The following KIAA1217 variants were observed in gnomAD, a reference collection of about 807,000 sequenced individuals.
KIAA1217 encodes sickle tail protein homolog.
Under a neutral mutation model 163.9 loss-of-function variants are expected in KIAA1217, and 88 were observed. That is an observed-to-expected ratio of 0.54 (90% CI 0.45 to 0.64). KIAA1217 has a LOEUF of 0.64. Among genes scored for constraint, KIAA1217 ranks in the 30% least tolerant of loss-of-function variants. KIAA1217 has a pLI of 0.00. For synonymous variants in KIAA1217, 903 were observed against 923.1 expected (o/e 0.98, Z 0.39); for missense variants, 2,372 against 2,475.0 (o/e 0.96, Z 0.88).
At position 24,473,856 on chromosome 10, in the gene KIAA1217, C is replaced by T. The variant is rs1254823154; in HGVS notation, c.1475C>T (p.Ala492Val). 3.1e-6 allele frequency: 5 copies of T among 1,613,992 alleles called. No homozygotes were observed. In the Admixed American group the frequency reaches 8.3e-5, roughly 27 times the overall value. The change falls in exon 6 of 21, where the codon GCC (alanine) becomes GTC (valine). Residue 492 changes from alanine (A) to valine (V), a missense_variant. Physicochemically the swap from Ala to Val is moderately conservative, Grantham distance 64 (BLOSUM62 0). This residue lies in a region of KIAA1217 where 1,431 missense variants were observed against 1,470.3 expected (regional missense o/e 0.97). Coordinates refer to ENST00000376454, the MANE Select transcript of KIAA1217 (RefSeq NM_019590.5). ...RMIDMHAHYN[A>V]HGPPHTMQPD... ...ATAGACATGCACGCTCACTATAATG[C>T]CCACGGCCCCCCTCACACCATGCAG...
Position 23,790,571 on chromosome 10 carries a change from A to G in KIAA1217, c.-321+95337A>G, listed in dbSNP as rs1013654958. 6.5e-4 allele frequency among the ~76,000 whole-genome samples: 76 copies of G among 116,428 alleles called. 6 individuals carry two copies. Among genetic ancestry groups the G allele is most frequent in the African/African-American group, 3.5e-3 (72 of 20,684 alleles). The allele number at this position is 116,428 out of a possible 152,430, so 76.4% of individuals were successfully genotyped here. A position where few individuals can be genotyped will look rare whatever the true frequency, so the allele number is the denominator to read the frequency against. The stretch of plus-strand genomic sequence containing the variant: ...TATATACATATGTACATATGTATAT[A>G]TACATATGTATATGTACATATATAC... On this transcript the variant is annotated intron_variant, in intron 1 of 18. Transcript: ENST00000376462.
chr10:23,890,447 T>C (rs150198699), intron 1 of KIAA1217, among the ~76,000 whole-genome samples: 16 of 151,912 alleles, frequency 1.1e-4, no homozygotes, highest in Non-Finnish European at 2.2e-4. Flanking sequence ...AAAATAGATA[T>C]GTAAAATTAT....
chr10:24,104,833 G>C (rs557279579), intron 2 of KIAA1217, among the ~76,000 whole-genome samples: 1 of 152,172 alleles, frequency 6.6e-6, no homozygotes, highest in Admixed American at 6.5e-5. Context: ...AAAGTAAAGT[G>C]TGATTTAAAA....
chr10:23,996,458 C>A (rs187862950), intron 1 of KIAA1217, among the ~76,000 whole-genome samples: 3 of 152,126 alleles, frequency 2.0e-5, no homozygotes, highest in Non-Finnish European at 4.4e-5. Flanking sequence ...GCAAACACAA[C>A]GGCAGAAACT....
chr10:24,207,853 A>G (rs986757720), upstream of KIAA1217, among the ~76,000 whole-genome samples: 1 of 152,130 alleles, frequency 6.6e-6, no homozygotes, highest in African/African-American at 2.4e-5. Flanking sequence ...CACTGCCAAA[A>G]CACACAGGTC....
chr10:24,155,547 G>A (rs138933928), intron 2 of KIAA1217, among the ~76,000 whole-genome samples: 44 of 152,250 alleles, frequency 2.9e-4, no homozygotes, highest in African/African-American at 1.0e-3. Flanking sequence ...GGGGCCGGGT[G>A]CAGTGGCTGA....
intron 1 of KIAA1217, 134 bp from the exon 2 acceptor site, chr10:24,219,492 A>G (rs530795872): frequency 1.5e-5 from 10 of 665,130 alleles, no homozygotes; most frequent in African/African-American, 5.6e-5. Flanking sequence ...AAGCAGAAAA[A>G]GAAAGAAAAA....
At chr10:24,057,574 T>C (rs141417275) in intron 2 of KIAA1217, among the ~76,000 whole-genome samples, 3 of 152,328 alleles carry the variant, frequency 2.0e-5, no homozygotes, top group Non-Finnish European at 2.9e-5. Flanking sequence ...GTCCTCAAGT[T>C]TCATCCATGT....
At chr10:24,368,803 C>A in intron 2 of KIAA1217, 5 of 973,518 alleles carry the variant, frequency 5.1e-6, no homozygotes, top group Non-Finnish European at 6.1e-6. Flanking sequence ...GGAAGCTGAG[C>A]CATCTAGAAT....
chr10:23,880,916 T>C (rs931988152), intron 1 of KIAA1217, among the ~76,000 whole-genome samples: 1 of 151,940 alleles, frequency 6.6e-6, no homozygotes, highest in African/African-American at 2.4e-5. Flanking sequence ...GCAGACAACC[T>C]GGAGAGTCAG....
intron 1 of KIAA1217, among the ~76,000 whole-genome samples, chr10:23,795,008 C>G (rs1836132913): frequency 6.6e-6 from 1 of 152,216 alleles, no homozygotes. Context: ...GGCTTTCTTC[C>G]TCACGGGACC....
intron 1 of KIAA1217, among the ~76,000 whole-genome samples, chr10:23,850,970 T>C (rs1451244061): frequency 6.6e-6 from 1 of 152,078 alleles, no homozygotes; most frequent in Non-Finnish European, 1.5e-5. Flanking sequence ...CATGATCCAG[T>C]CACCACCCAC....
intron 1 of KIAA1217, among the ~76,000 whole-genome samples, chr10:23,923,164 G>C (rs542926660): frequency 6.6e-6 from 1 of 152,216 alleles, no homozygotes; most frequent in African/African-American, 2.4e-5. Context: ...TCATAGCATA[G>C]CTCCCACATG....
intron 5 of KIAA1217, among the ~76,000 whole-genome samples, chr10:24,450,442 T>G (rs1475142837): frequency 6.6e-6 from 1 of 152,216 alleles, no homozygotes; most frequent in East Asian, 1.9e-4. Flanking sequence ...ACAGAAATCT[T>G]GTTTACTTGA....
In KIAA1217 at chr10:23,734,780, A is replaced by AT. The variant is rs561633635; in HGVS notation, c.-321+39550dup. Among the ~76,000 whole-genome samples the AT allele has an allele frequency of 3.8e-3, 574 of 152,080 alleles. 2 individuals carry two copies. The highest frequency in any genetic ancestry group is 5.2e-3 in the Non-Finnish European group (353 of 67,998). On this transcript the variant is annotated intron_variant, in intron 1 of 18. Transcript: ENST00000376462. ...GGCTTATTCATATTTATCATGATAAATTTTCTGTTGAGAGATCATGGCACA... is the reference window on the plus strand; with the variant it reads ...GGCTTATTCATATTTATCATGATAAATTTTTCTGTTGAGAGATCATGGCACA...
chr10:24,468,267 C>T (rs747902560), intron 5 of KIAA1217, among the ~76,000 whole-genome samples: 3 of 152,100 alleles, frequency 2.0e-5, no homozygotes, highest in African/African-American at 7.2e-5. Context: ...GTAGGATTCC[C>T]AAGTTGTCTG....
chr10:24,260,185 C>T (rs1479639182), intron 2 of KIAA1217, among the ~76,000 whole-genome samples: 1 of 152,056 alleles, frequency 6.6e-6, no homozygotes, highest in African/African-American at 2.4e-5. Context: ...GTGTGCATGC[C>T]ATGCTAGCTC....
intron 2 of KIAA1217, among the ~76,000 whole-genome samples, chr10:24,247,358 G>A (rs2073943133): frequency 6.6e-6 from 1 of 151,934 alleles, no homozygotes; most frequent in African/African-American, 2.4e-5. Flanking sequence ...AACTCCTCCT[G>A]GTCTCAAGCA....
intron 3 of KIAA1217, among the ~76,000 whole-genome samples, chr10:24,385,631 C>A (rs1438322340): frequency 6.6e-6 from 1 of 152,162 alleles, no homozygotes; most frequent in African/African-American, 2.4e-5. Context: ...GTTCCAACAA[C>A]CTATCGTGTC....
Sources: allele counts gnomAD v4.1 joint callset (sites outside exome capture counted in the v4.1 genomes callset), GRCh38; gene constraint gnomAD v4.1.1; regional missense constraint gnomAD v4.1.1; transcripts MANE v1.5; gene names NCBI Gene and HGNC (gene_info 2026-07-23, HGNC 2026-07-21).